Variants in JAM2 observed in about 807,000 individuals in gnomAD.
The protein encoded by JAM2 is junctional adhesion molecule 2.
Under a neutral mutation model 42.0 loss-of-function variants are expected in JAM2, and 17 were observed. The observed-to-expected ratio is 0.40, with a 90% CI of 0.28 to 0.61. The LOEUF is 0.61. Among genes scored for constraint, JAM2 ranks in the 20% least tolerant of loss-of-function variants. The pLI, the probability that JAM2 is intolerant of heterozygous loss-of-function variation, is 0.37. For missense variants in JAM2, 319 were observed against 358.3 expected (o/e 0.89, Z 0.89); for synonymous variants, 118 against 128.6 (o/e 0.92, Z 0.56).
chr21:25,695,749 G>A, intron 4 of JAM2, among the ~76,000 whole-genome samples: 1 of 151,560 alleles, frequency 6.6e-6, no homozygotes, highest in Non-Finnish European at 1.5e-5. Context: ...TCACTTCTCA[G>A]ACGGGGTGGC....
intron 2 of JAM2, 103 bp downstream of exon 2, chr21:25,684,051 T>G: frequency 3.0e-6 from 2 of 670,214 alleles, no homozygotes; most frequent in Non-Finnish European, 4.9e-6. Context: ...CTGCCTTACC[T>G]TCTACTAATT....
Position 25,707,599 on chromosome 21 carries a change from AC to A in JAM2, c.805+1515del, listed in dbSNP as rs537914361. ...AAATTTAGACCTCTTGTAACTTCAC[AC>A]CTCCATTTGATAATGCAATAGGTTT... On this transcript the variant is annotated intron_variant, in intron 7 of 9. Transcript: ENST00000480456. Among the ~76,000 whole-genome samples the A allele has an allele frequency of 1.2e-3, 176 of 152,256 alleles. 2 individuals are homozygous for A. Among genetic ancestry groups the A allele is most frequent in the African/African-American group, 4.1e-3 (170 of 41,548 alleles).
At chr21:25,661,422 C>G (rs1210633498) in intron 1 of JAM2, among the ~76,000 whole-genome samples, 1 of 152,024 alleles carries the variant, frequency 6.6e-6, no homozygotes, top group Non-Finnish European at 1.5e-5. Context: ...ATAATCATGC[C>G]ACCGCACACC....
At position 25,717,415 on chromosome 21, in the gene JAM2, G is replaced by T; in HGVS notation, c.*2743G>T. 1 of 345,066 alleles carries T rather than the reference G, an allele frequency of 2.9e-6. No homozygotes were observed. The highest frequency in any genetic ancestry group is 8.8e-5 in the South Asian group (1 of 11,300). 21.4% of individuals were successfully genotyped at this position (345,066 alleles called of 1,614,324 possible). A position where few individuals can be genotyped will look rare whatever the true frequency, so the allele number is the denominator to read the frequency against. ...CAAGCTTTGTTTTGTTTTAATTATT[G>T]TTGCTGTTGTAACTAGATTTAATTT... On this transcript the variant is annotated 3_prime_UTR_variant, in exon 10 of 10. Coordinates refer to ENST00000480456, the MANE Select transcript of JAM2 (RefSeq NM_021219.4).
chr21:25,711,314 C>T lies in JAM2; in HGVS notation c.822-1026C>T, dbSNP rs118078218. On this transcript the variant is annotated intron_variant, in intron 8 of 9. Coordinates refer to ENST00000480456, the MANE Select transcript of JAM2 (RefSeq NM_021219.4). ...CATGAAATATGGGTGAGCTCCCCAA[C>T]GCCCTGTAGTTTGTGTGTACTTGTT... The T allele has an allele frequency of 2.0e-3, 802 of 404,698 alleles. 22 individuals carry two copies. In the East Asian group the frequency reaches 0.052, roughly 26 times the overall value. The allele number at this position is 404,698 out of a possible 1,614,324, so 25.1% of individuals were successfully genotyped here. A position where few individuals can be genotyped will look rare whatever the true frequency, so the allele number is the denominator to read the frequency against.
chr21:25,703,781 A>AAC lies in JAM2; in HGVS notation c.697+1512_697+1513insAC, dbSNP rs1555872080. On this transcript the variant is annotated intron_variant, in intron 6 of 9. Transcript: ENST00000480456. ...AGACTTTTTTTTCAAAAAAAAAAAA[A>AAC]CACAAAATATTTTCATACTTAATGT... Among the ~76,000 whole-genome samples, 199 of 150,628 alleles carry AAC rather than the reference A, an allele frequency of 1.3e-3. 1 individual carries two copies. Among genetic ancestry groups the AAC allele is most frequent in the Non-Finnish European group, 2.5e-3 (171 of 67,560 alleles).
chr21:25,706,087 G>T lies in JAM2; in HGVS notation c.805+1G>T. On this transcript the variant is annotated splice_donor_variant, in intron 7 of 9. Coordinates refer to ENST00000480456, the MANE Select transcript of JAM2 (RefSeq NM_021219.4). LOFTEE classifies it high-confidence loss of function. ...GCTCAGAGGAAAGGCTACTTTTCAA[G>T]TAAGTGAATTTCACCCTTCTTTGGC... 6.3e-7 allele frequency: 1 copy of T among 1,583,632 alleles called. No individual in the cohort carries two copies. Among genetic ancestry groups the T allele is most frequent in the Non-Finnish European group, 8.7e-7 (1 of 1,152,210 alleles).
chr21:25,708,645 T>C (rs1239605035), intron 7 of JAM2, among the ~76,000 whole-genome samples: 1 of 152,210 alleles, frequency 6.6e-6, no homozygotes, highest in Non-Finnish European at 1.5e-5. Flanking sequence ...AATGTAACTT[T>C]ATGAATTGAA....
intron 1 of JAM2, among the ~76,000 whole-genome samples, chr21:25,640,752 A>G (rs1027058554): frequency 9.2e-5 from 14 of 152,100 alleles, no homozygotes; most frequent in African/African-American, 3.4e-4. Context: ...TTTTTCTCTC[A>G]CCTTTTTTGT....
chr21:25,650,312 C>T lies in JAM2; in HGVS notation c.67+10424C>T, dbSNP rs769343157. The stretch of plus-strand genomic sequence containing the variant: ...GTGCAAAAGTAACTGCAGTTTTAGC[C>T]GTTACTTTTAATGATTTTGTGGGAT... On this transcript the variant is annotated intron_variant, in intron 1 of 9. Coordinates refer to ENST00000480456, the MANE Select transcript of JAM2 (RefSeq NM_021219.4). Among the ~76,000 whole-genome samples the T allele has an allele frequency of 1.4e-4, 21 of 152,126 alleles. 1 individual carries two copies. Among genetic ancestry groups the T allele is most frequent in the Non-Finnish European group, 2.1e-4 (14 of 68,016 alleles).
chr21:25,706,981 A>G (rs2034286006), intron 7 of JAM2, among the ~76,000 whole-genome samples: 2 of 151,306 alleles, frequency 1.3e-5, no homozygotes, highest in South Asian at 4.2e-4. Flanking sequence ...CTCCTGATCC[A>G]CCCACCTTGG....
chr21:25,651,274 A>G (rs2123316272), intron 1 of JAM2, among the ~76,000 whole-genome samples: 1 of 152,330 alleles, frequency 6.6e-6, no homozygotes, highest in South Asian at 2.1e-4. Context: ...ACAAATATCA[A>G]AATTTTATAA....
At chr21:25,681,002 C>T (rs979985108) in intron 1 of JAM2, among the ~76,000 whole-genome samples, 1 of 152,124 alleles carries the variant, frequency 6.6e-6, no homozygotes, top group Non-Finnish European at 1.5e-5. Context: ...GATATGCCAA[C>T]AGATAGGTCA....
chr21:25,660,444 G>A (rs1259358229), intron 1 of JAM2, among the ~76,000 whole-genome samples: 1 of 152,044 alleles, frequency 6.6e-6, no homozygotes, highest in Non-Finnish European at 1.5e-5. Context: ...CCCCCAGGGG[G>A]TACTGTGAAA....
intron 1 of JAM2, among the ~76,000 whole-genome samples, chr21:25,671,174 G>A (rs540565522): frequency 3.9e-4 from 60 of 152,252 alleles, no homozygotes; most frequent in South Asian, 2.3e-3. Flanking sequence ...ATCATGGTCC[G>A]TGGAGACCAT....
At chr21:25,686,604 G>T (rs2033757044) in intron 2 of JAM2, among the ~76,000 whole-genome samples, 2 of 152,186 alleles carry the variant, frequency 1.3e-5, no homozygotes, top group South Asian at 4.1e-4. Context: ...GGGCAGCTCT[G>T]CCAGGCTTGT....
rs2034338096 is a variant in JAM2, at chr21:25,709,420, T to A, written c.806-14T>A. ...TAACCCTTGCATTAATGATATATAC[T>A]TTTTCTTTTGTAGAAGAAACCTCCT... On this transcript the variant is annotated splice_polypyrimidine_tract_variant and intron_variant, in intron 7 of 9. Transcript: ENST00000480456. 1.5e-6 allele frequency: 2 copies of A among 1,378,390 alleles called. No homozygotes were observed. Among genetic ancestry groups the A allele is most frequent in the Non-Finnish European group, 2.0e-6 (2 of 982,546 alleles). The allele number at this position is 1,378,390 out of a possible 1,614,324, so 85.4% of individuals were successfully genotyped here.
At chr21:25,711,507 G>A in intron 8 of JAM2, 3 of 419,230 alleles carry the variant, frequency 7.2e-6, no homozygotes, top group Non-Finnish European at 9.4e-6. Context: ...TTCCTTTGAA[G>A]AATCATCTGC....
Position 25,670,648 on chromosome 21 carries a change from G to A in JAM2, c.68-13235G>A, listed in dbSNP as rs547322547. On this transcript the variant is annotated intron_variant, in intron 1 of 9. Coordinates refer to ENST00000480456, the MANE Select transcript of JAM2 (RefSeq NM_021219.4). Reference sequence around the variant, plus strand: ...TAGTTCACTGATCCTAAAAAAGTGCGTGTTGGTGTTAGCTCACAGTTGGAT... The same window carrying A: ...TAGTTCACTGATCCTAAAAAAGTGCATGTTGGTGTTAGCTCACAGTTGGAT... Among the ~76,000 whole-genome samples, 6 of 152,246 alleles carry A rather than the reference G, an allele frequency of 3.9e-5. No individual in the cohort carries two copies. The South Asian group carries it at 1.0e-3, about 26-fold the overall frequency.
Sources: allele counts gnomAD v4.1 joint callset (sites outside exome capture counted in the v4.1 genomes callset), GRCh38; gene constraint gnomAD v4.1.1; transcripts MANE v1.5; gene names NCBI Gene and HGNC (gene_info 2026-07-23, HGNC 2026-07-21).